Variants in CDKN2B observed in about 807,000 individuals in gnomAD.
CDKN2B encodes the protein cyclin-dependent kinase 4 inhibitor B.
CDKN2B carries 8 observed loss-of-function variants against 7.7 expected under a neutral mutation model. The ratio of observed to expected loss-of-function variants is 1.04; its 90% CI spans 0.61 to 1.87. The LOEUF (loss-of-function observed/expected upper bound fraction) is 1.87. CDKN2B is among the 40% of genes most tolerant of loss of function. CDKN2B has a pLI of 0.00. For missense variants in CDKN2B, 244 were observed against 213.1 expected (o/e 1.15, Z -0.90); for synonymous variants, 93 against 95.8 (o/e 0.97, Z 0.17).
In CDKN2B at chr9:22,006,702, A is replaced by G. The variant is rs559326756; in HGVS notation, c.157-455T>C. ...TAGGTAGTCAACTACTGTTTGTTAG[A>G]AGTTGGGAGTAATGGTTTAGGGGAG... On this transcript the variant is annotated intron_variant, in intron 1 of 1. Transcript: ENST00000276925. This position sits in a 1 kb window ranked among gnomAD's most constrained non-coding sequence, Gnocchi z 6.4. Among the ~76,000 whole-genome samples, 297 of 152,196 alleles carry G rather than the reference A, an allele frequency of 2.0e-3. No homozygotes were observed. Among genetic ancestry groups the G allele is most frequent in the Non-Finnish European group, 2.1e-3 (141 of 68,012 alleles).
chr9:22,006,323 G>A lies in CDKN2B; in HGVS notation c.157-76C>T. The A allele has an allele frequency of 6.3e-7, 1 of 1,583,126 alleles. No homozygotes were observed. Among genetic ancestry groups the A allele is most frequent in the African/African-American group, 1.3e-5 (1 of 74,658 alleles). Reference sequence around the variant, plus strand: ...GATGCCGGCCGGGGCAAGGCAGGTGGAGCCATTTAAAGAAACACCTAATTG... The same window carrying A: ...GATGCCGGCCGGGGCAAGGCAGGTGAAGCCATTTAAAGAAACACCTAATTG... On this transcript the variant is annotated intron_variant, in intron 1 of 1. Coordinates refer to ENST00000276925, the MANE Select transcript of CDKN2B (RefSeq NM_004936.4). The surrounding 1 kb of genome is among the most constrained non-coding windows in gnomAD (Gnocchi z 6.4).
Position 22,006,929 on chromosome 9 carries a change from T to C in CDKN2B, c.157-682A>G, listed in dbSNP as rs1161056749. On this transcript the variant is annotated intron_variant, in intron 1 of 1. Transcript: ENST00000276925. The surrounding 1 kb of genome is among the most constrained non-coding windows in gnomAD (Gnocchi z 6.4). Reference sequence around the variant, plus strand: ...ATCTTATAAAATTATAATAAATGATTTTTCCTTAACAGTTCATCATTTTAA... The same window carrying C: ...ATCTTATAAAATTATAATAAATGATCTTTCCTTAACAGTTCATCATTTTAA... 6.6e-6 allele frequency among the ~76,000 whole-genome samples: 1 copy of C among 152,210 alleles called. No homozygotes were observed. Among genetic ancestry groups the C allele is most frequent in the East Asian group, 1.9e-4 (1 of 5,180 alleles).
chr9:22,004,039 A>T lies in CDKN2B; in HGVS notation c.*1948T>A, dbSNP rs1387647550. ...AATATCTTGTAACCTTTGGCAAGTT[A>T]CTTGATATTTCTTTGCCTCATTGTC... On this transcript the variant is annotated 3_prime_UTR_variant, in exon 2 of 2. Transcript: ENST00000276925. The T allele has an allele frequency of 8.6e-6, 2 of 232,622 alleles. No individual in the cohort carries two copies. The highest frequency in any genetic ancestry group is 1.7e-5 in the Non-Finnish European group (2 of 117,734). The allele number at this position is 232,622 out of a possible 1,614,324, so 14.4% of individuals were successfully genotyped here. A position where few individuals can be genotyped will look rare whatever the true frequency, so the allele number is the denominator to read the frequency against.
chr9:22,004,826 T>A lies in CDKN2B; in HGVS notation c.*1161A>T, dbSNP rs1262514920. On this transcript the variant is annotated 3_prime_UTR_variant, in exon 2 of 2. Transcript: ENST00000276925. ...AAAAGACATTTGGAATATTTCTTAGTCTGACCTCTGCACCCTGAGACACTC... is the reference window on the plus strand; with the variant it reads ...AAAAGACATTTGGAATATTTCTTAGACTGACCTCTGCACCCTGAGACACTC... 4.3e-6 allele frequency: 1 copy of A among 233,120 alleles called. No homozygotes were observed. The highest frequency in any genetic ancestry group is 8.5e-6 in the Non-Finnish European group (1 of 118,034). 14.4% of individuals were successfully genotyped at this position (233,120 alleles called of 1,614,324 possible).
In CDKN2B at chr9:22,004,970, T is replaced by C. The variant is rs769325023; in HGVS notation, c.*1017A>G. ...TTGCTACATTTAAGAGCTGTAGTTC[T>C]TCCTCACATTTTAACTGAGAGCCAC... On this transcript the variant is annotated 3_prime_UTR_variant, in exon 2 of 2. Transcript: ENST00000276925. 1.7e-5 allele frequency: 4 copies of C among 233,234 alleles called. No individual in the cohort carries two copies. Among genetic ancestry groups the C allele is most frequent in the Non-Finnish European group, 3.4e-5 (4 of 118,072 alleles). 14.4% of individuals were successfully genotyped at this position (233,234 alleles called of 1,614,324 possible). A position where few individuals can be genotyped will look rare whatever the true frequency, so the allele number is the denominator to read the frequency against.
Position 22,006,110 on chromosome 9 carries a change from C to T in CDKN2B, c.294G>A (p.Val98=), listed in dbSNP as rs1290964792. 6.2e-7 allele frequency: 1 copy of T among 1,610,232 alleles called. No individual in the cohort carries two copies. The highest frequency in any genetic ancestry group is 1.1e-5 in the South Asian group (1 of 91,048). Residue 98 remains valine, a synonymous_variant, in exon 2 of 2, where the codon GTG becomes GTA. Coordinates refer to ENST00000276925, the MANE Select transcript of CDKN2B (RefSeq NM_004936.4). The surrounding 1 kb of genome is among the most constrained non-coding windows in gnomAD (Gnocchi z 6.4). ...AREGFLDTLV[V]LHRAGARLDV... The stretch of plus-strand genomic sequence containing the variant: ...CCAGCCGCGCCCCGGCCCGGTGCAG[C>T]ACCACCAGCGTGTCCAGGAAGCCCT...
At position 22,006,139 on chromosome 9, in the gene CDKN2B, G is replaced by A. The variant is rs770734081; in HGVS notation, c.265C>T (p.Arg89Trp). The A allele has an allele frequency of 3.7e-6, 6 of 1,611,438 alleles. No individual in the cohort carries two copies. The highest frequency in any genetic ancestry group is 5.1e-6 in the Non-Finnish European group (6 of 1,179,860). Residue 89 changes from arginine to tryptophan, a missense_variant, in exon 2 of 2, where the codon CGG becomes TGG. Physicochemically the swap from Arg to Trp is moderately radical, Grantham distance 101. Transcript: ENST00000276925. This position sits in a 1 kb window ranked among gnomAD's most constrained non-coding sequence, Gnocchi z 6.4. ...ACCAGCGTGTCCAGGAAGCCCTCCC[G>A]GGCAGCATCATGCACCGGTCGGGTG... Reference protein sequence around the residue: ...TLTRPVHDAAREGFLDTLVVL... With the variant: ...TLTRPVHDAAWEGFLDTLVVL...
At position 22,006,091 on chromosome 9, in the gene CDKN2B, G is replaced by A. The variant is rs753878524; in HGVS notation, c.313C>T (p.Arg105Trp). 1.2e-6 allele frequency: 2 copies of A among 1,608,192 alleles called. No individual in the cohort carries two copies. Among genetic ancestry groups the A allele is most frequent in the Non-Finnish European group, 1.7e-6 (2 of 1,179,714 alleles). ...TLVVLHRAGA[R>W]LDVRDAWGRL... ...CCCCAGGCATCGCGCACGTCCAGCC[G>A]CGCCCCGGCCCGGTGCAGCACCACC... The change falls in exon 2 of 2, where the codon CGG (arginine) becomes TGG (tryptophan). Residue 105 changes from arginine to tryptophan, a missense_variant. Transcript: ENST00000276925. The surrounding 1 kb of genome is among the most constrained non-coding windows in gnomAD (Gnocchi z 6.4).
rs188940645 is a variant in CDKN2B at position 22,008,623 on chromosome 9, C to G, written c.156+175G>C. On this transcript the variant is annotated intron_variant, in intron 1 of 1. Coordinates refer to ENST00000276925, the MANE Select transcript of CDKN2B (RefSeq NM_004936.4). ...TTAAACAGTGGGTTTTTCAATGTCT[C>G]TCTTTAGGATTTTTGCTGGGTAAAA... 13 of 1,571,808 alleles carry G rather than the reference C, an allele frequency of 8.3e-6. No individual in the cohort carries two copies. In the East Asian group the frequency reaches 2.7e-4, roughly 33 times the overall value.
intron 1 of CDKN2B, chr9:22,008,566 G>C (rs1267638661): frequency 2.3e-5 from 27 of 1,170,646 alleles, no homozygotes; most frequent in Non-Finnish European, 3.1e-5. Flanking sequence ...CTCTGATCAT[G>C]AGATGGCAGA....
At position 22,005,904 on chromosome 9, in the gene CDKN2B, G is replaced by A; in HGVS notation, c.*83C>T. On this transcript the variant is annotated 3_prime_UTR_variant, in exon 2 of 2. Coordinates refer to ENST00000276925, the MANE Select transcript of CDKN2B (RefSeq NM_004936.4). The surrounding 1 kb of genome is among the most constrained non-coding windows in gnomAD (Gnocchi z 4.9). The stretch of plus-strand genomic sequence containing the variant: ...ACAGGCTTTCCGCCGCTCCCCGTTG[G>A]CAGCCTTCATCGAATTAGGTGGGTG... 2 of 1,541,334 alleles carry A rather than the reference G, an allele frequency of 1.3e-6. No individual in the cohort carries two copies. Among genetic ancestry groups the A allele is most frequent in the Non-Finnish European group, 1.7e-6 (2 of 1,143,066 alleles).
chr9:22,006,305 G>T lies in CDKN2B; in HGVS notation c.157-58C>A, dbSNP rs2131182447. ...GTGGGGGCAGGTATGGGAGATGCCGGCCGGGGCAAGGCAGGTGGAGCCATT... is the reference window on the plus strand; with the variant it reads ...GTGGGGGCAGGTATGGGAGATGCCGTCCGGGGCAAGGCAGGTGGAGCCATT... On this transcript the variant is annotated intron_variant, in intron 1 of 1. Transcript: ENST00000276925. The surrounding 1 kb of genome is among the most constrained non-coding windows in gnomAD (Gnocchi z 6.4). 6.3e-7 allele frequency: 1 copy of T among 1,596,232 alleles called. No homozygotes were observed. The highest frequency in any genetic ancestry group is 2.2e-5 in the East Asian group (1 of 44,814).
rs1455782741 is a variant in CDKN2B, at chr9:22,004,021, T to G, written c.*1966A>C. The stretch of plus-strand genomic sequence containing the variant: ...TTGTGCATCCATGGAATGAATATCT[T>G]GTAACCTTTGGCAAGTTACTTGATA... On this transcript the variant is annotated 3_prime_UTR_variant, in exon 2 of 2. Transcript: ENST00000276925. The G allele has an allele frequency of 4.3e-6, 1 of 232,744 alleles. No homozygotes were observed. Among genetic ancestry groups the G allele is most frequent in the African/African-American group, 2.2e-5 (1 of 45,356 alleles). 14.4% of individuals were successfully genotyped at this position (232,744 alleles called of 1,614,324 possible).
At chr9:22,007,584 C>T (rs1436221495) in intron 1 of CDKN2B, among the ~76,000 whole-genome samples, 2 of 152,056 alleles carry the variant, frequency 1.3e-5, no homozygotes, top group African/African-American at 4.8e-5. Flanking sequence ...GGTTTATGCA[C>T]TTTAAAATAT....
Position 22,006,193 on chromosome 9 carries a change from C to T in CDKN2B, c.211G>A (p.Glu71Lys), listed in dbSNP as rs1563914352. ...GTGGCAGGGTCTGCGCAGTTGGGCT[C>T]CGCGCCGTGGAGCAGCAGCAGCTCC... is the stretch of plus-strand genomic sequence containing the variant. ...VAELLLLHGAEPNCADPATLT... is the reference protein window; with the variant it reads ...VAELLLLHGAKPNCADPATLT... The change falls in exon 2 of 2, where the codon GAG (glutamate) becomes AAG (lysine). Residue 71 changes from glutamate (E) to lysine (K), a missense_variant. Physicochemically the swap from Glu to Lys is moderately conservative, Grantham distance 56. Transcript: ENST00000276925. The surrounding 1 kb of genome is among the most constrained non-coding windows in gnomAD (Gnocchi z 6.4). 1.2e-6 allele frequency: 2 copies of T among 1,608,934 alleles called. No individual in the cohort carries two copies. Among genetic ancestry groups the T allele is most frequent in the Admixed American group, 3.3e-5 (2 of 59,976 alleles).
chr9:22,006,215 C>G lies in CDKN2B; in HGVS notation c.189G>C (p.Glu63Asp), dbSNP rs771488156. 1.2e-6 allele frequency: 2 copies of G among 1,607,810 alleles called. No individual in the cohort carries two copies. The highest frequency in any genetic ancestry group is 1.1e-5 in the South Asian group (1 of 91,064). Reference sequence around the variant, plus strand: ...GCTCCGCGCCGTGGAGCAGCAGCAGCTCCGCCACGCGGGCGCTGCCCATCA... The same window carrying G: ...GCTCCGCGCCGTGGAGCAGCAGCAGGTCCGCCACGCGGGCGCTGCCCATCA... ...VMMMGSARVA[E>D]LLLLHGAEPN... The change falls in exon 2 of 2, where the codon GAG becomes GAC. Residue 63 changes from glutamate to aspartate, a missense_variant. Glu to Asp is a conservative substitution (Grantham distance 45). Transcript: ENST00000276925. The surrounding 1 kb of genome is among the most constrained non-coding windows in gnomAD (Gnocchi z 6.4).
rs375565366 is a variant in CDKN2B, at chr9:22,005,957, AGTC to A, written c.*27_*29del. ...GGTGGGAAATTGGGTAAGAAAATAA[AGTC>A]GTTGTGGGCGGCTGGGGAACCTGGC... On this transcript the variant is annotated 3_prime_UTR_variant, in exon 2 of 2. Coordinates refer to ENST00000276925, the MANE Select transcript of CDKN2B (RefSeq NM_004936.4). This position sits in a 1 kb window ranked among gnomAD's most constrained non-coding sequence, Gnocchi z 4.9. 206 of 1,598,442 alleles carry A rather than the reference AGTC, an allele frequency of 1.3e-4. 2 individuals are homozygous for A. The Middle Eastern group carries it at 1.7e-3, about 13-fold the overall frequency.
intron 1 of CDKN2B, among the ~76,000 whole-genome samples, chr9:22,007,158 G>A (rs962824369): frequency 3.9e-5 from 6 of 152,076 alleles, no homozygotes; most frequent in Non-Finnish European, 8.8e-5. Flanking sequence ...TCAGGAGTTC[G>A]AGACCAGCCT....
At position 22,009,020 on chromosome 9, in the gene CDKN2B, TC is replaced by T; in HGVS notation, c.-68del. ...TTGGCCGTAAACTTAACGACACTCTTCCCTTCTTTCCCACGCTGCTCCGGCG... is the reference window on the plus strand; with the variant it reads ...TTGGCCGTAAACTTAACGACACTCTTCCTTCTTTCCCACGCTGCTCCGGCG... On this transcript the variant is annotated 5_prime_UTR_variant, in exon 1 of 2. It removes the in-frame stop codon of an upstream open reading frame in the 5' UTR. Coordinates refer to ENST00000276925, the MANE Select transcript of CDKN2B (RefSeq NM_004936.4). The T allele has an allele frequency of 6.2e-7, 1 of 1,602,896 alleles. No homozygotes were observed. Among genetic ancestry groups the T allele is most frequent in the Non-Finnish European group, 8.5e-7 (1 of 1,170,536 alleles).
Sources: allele counts gnomAD v4.1 joint callset (sites outside exome capture counted in the v4.1 genomes callset), GRCh38; gene constraint gnomAD v4.1.1; non-coding constraint Gnocchi (gnomAD v3.1); transcripts MANE v1.5; gene names NCBI Gene and HGNC (gene_info 2026-07-23, HGNC 2026-07-21).